Variants in TTC28 observed in about 807,000 individuals in gnomAD.
TTC28 encodes tetratricopeptide repeat protein 28.
A neutral mutation model predicts 198.0 loss-of-function variants in TTC28; 61 were observed. The observed-to-expected ratio is 0.31, with a 90% CI of 0.25 to 0.38. The LOEUF (loss-of-function observed/expected upper bound fraction) is 0.38. TTC28 is among the 10% of genes least tolerant of loss of function. The pLI is 1.00. For synonymous variants in TTC28, 1,171 were observed against 1,297.8 expected (o/e 0.90, Z 2.10); for missense variants, 2,678 against 3,164.0 (o/e 0.85, Z 3.69).
intron 2 of TTC28, among the ~76,000 whole-genome samples, chr22:28,620,362 A>G (rs1478886339): frequency 6.7e-6 from 1 of 149,840 alleles, no homozygotes; most frequent in African/African-American, 2.4e-5. Flanking sequence ...AAAAAAAAAA[A>G]GAAAGAAAGA....
At chr22:28,425,318 GT>G (rs1381235155) in intron 2 of TTC28, among the ~76,000 whole-genome samples, 1 of 152,158 alleles carries the variant, frequency 6.6e-6, no homozygotes, top group Admixed American at 6.5e-5. Flanking sequence ...AGAATCTTCA[GT>G]TCTGCATGTG....
chr22:27,985,825 G>C (rs1270996903), intron 21 of TTC28: 2 of 157,092 alleles, frequency 1.3e-5, no homozygotes. Flanking sequence ...TGCATGTTCA[G>C]TGTCTGCCCC....
intron 2 of TTC28, among the ~76,000 whole-genome samples, chr22:28,391,360 C>T (rs552958078): frequency 5.9e-5 from 9 of 152,248 alleles, no homozygotes; most frequent in African/African-American, 2.2e-4. Context: ...GTGGCGTTCT[C>T]TGTATTTCCT....
At chr22:28,559,386 C>T (rs1288940275) in intron 2 of TTC28, among the ~76,000 whole-genome samples, 2 of 152,252 alleles carry the variant, frequency 1.3e-5, no homozygotes, top group African/African-American at 2.4e-5. Context: ...TTTACTCATT[C>T]GAGTACTATA....
chr22:28,512,849 A>G (rs968985854), intron 2 of TTC28, among the ~76,000 whole-genome samples: 72 of 152,304 alleles, frequency 4.7e-4, no homozygotes, highest in Non-Finnish European at 5.9e-5. Context: ...TGATCTGTGC[A>G]GCAAAGAACC....
intron 10 of TTC28, 82 bp from the exon 11 acceptor site, chr22:28,096,490 C>G: frequency 6.9e-7 from 1 of 1,451,408 alleles, no homozygotes; most frequent in Non-Finnish European, 9.3e-7. Context: ...CCATCAAATC[C>G]TGGGCAGAAA....
chr22:28,312,398 C>G (rs1443177491), intron 2 of TTC28, among the ~76,000 whole-genome samples: 1 of 152,152 alleles, frequency 6.6e-6, no homozygotes, highest in Admixed American at 6.5e-5. Flanking sequence ...CCCAAATCAA[C>G]AGAATATACA....
chr22:28,343,208 G>T (rs577181206), intron 2 of TTC28, among the ~76,000 whole-genome samples: 70 of 152,102 alleles, frequency 4.6e-4, no homozygotes, highest in African/African-American at 1.7e-3. Flanking sequence ...GAAAAAAATA[G>T]ACGAGAAAAT....
At chr22:28,596,122 G>C (rs1379806307) in intron 2 of TTC28, among the ~76,000 whole-genome samples, 2 of 152,152 alleles carry the variant, frequency 1.3e-5, no homozygotes, top group East Asian at 1.9e-4. Flanking sequence ...TGGCTAGGTG[G>C]TTATATTAGA....
intron 2 of TTC28, among the ~76,000 whole-genome samples, chr22:28,493,250 G>A (rs2048403334): frequency 6.6e-6 from 1 of 152,008 alleles, no homozygotes; most frequent in African/African-American, 2.4e-5. Context: ...CAGCTACTCG[G>A]TAGGCTGAGG....
intron 2 of TTC28, among the ~76,000 whole-genome samples, chr22:28,395,757 CTAAT>C (rs1415109969): frequency 6.6e-6 from 1 of 152,000 alleles, no homozygotes; most frequent in Non-Finnish European, 1.5e-5. Context: ...GCTGCTCAAC[CTAAT>C]TATTTACATT....
At chr22:28,464,065 A>G (rs2047986078) in intron 2 of TTC28, among the ~76,000 whole-genome samples, 1 of 152,184 alleles carries the variant, frequency 6.6e-6, no homozygotes, top group African/African-American at 2.4e-5. Context: ...AAAAACTGCA[A>G]CGACCAACAG....
chr22:28,502,166 T>C lies in TTC28; in HGVS notation c.381+127386A>G, dbSNP rs573450473. 3.3e-5 allele frequency among the ~76,000 whole-genome samples: 5 copies of C among 152,308 alleles called. No homozygotes were observed. The South Asian group carries it at 6.2e-4, about 19-fold the overall frequency. On this transcript the variant is annotated intron_variant, in intron 2 of 22. Transcript: ENST00000397906. ...AATCTACCTGATACCTGTTAAGAGA[T>C]AACAGTTGTTTCTACAATGAAGTAC...
intron 2 of TTC28, among the ~76,000 whole-genome samples, chr22:28,569,484 T>C (rs2050028692): frequency 6.6e-6 from 1 of 152,132 alleles, no homozygotes; most frequent in African/African-American, 2.4e-5. Flanking sequence ...TAAATGGTGC[T>C]ACAGTAACTG....
rs2048646701 is a variant in TTC28 at position 28,508,780 on chromosome 22, T to C, written c.381+120772A>G. ...TAGACTTTAGACTCCCACATAAAAA[T>C]AGTGGGAGACTTTAACACCCCACTG... is the stretch of plus-strand genomic sequence containing the variant. On this transcript the variant is annotated intron_variant, in intron 2 of 22. Transcript: ENST00000397906. 2.6e-5 allele frequency among the ~76,000 whole-genome samples: 4 copies of C among 152,054 alleles called. No homozygotes were observed. The South Asian group carries it at 8.3e-4, about 32-fold the overall frequency.
intron 10 of TTC28, among the ~76,000 whole-genome samples, chr22:28,096,879 A>T (rs1230257084): frequency 6.7e-6 from 1 of 149,946 alleles, no homozygotes; most frequent in Non-Finnish European, 1.5e-5. Context: ...ATCTCAGTTC[A>T]CTGCAATCTC....
At chr22:28,225,816 C>A (rs892625668) in intron 5 of TTC28, among the ~76,000 whole-genome samples, 5 of 152,196 alleles carry the variant, frequency 3.3e-5, no homozygotes, top group Admixed American at 6.5e-5. Context: ...ACCAGGCAAC[C>A]ACTGATTTGC....
At chr22:28,659,567 T>C (rs1276792468) in intron 1 of TTC28, among the ~76,000 whole-genome samples, 1 of 152,030 alleles carries the variant, frequency 6.6e-6, no homozygotes, top group African/African-American at 2.4e-5. Flanking sequence ...TATTTATTAA[T>C]AACTACATTT....
chr22:28,314,942 T>C (rs1195246815), intron 2 of TTC28, among the ~76,000 whole-genome samples: 1 of 152,172 alleles, frequency 6.6e-6, no homozygotes, highest in Admixed American at 6.5e-5. Flanking sequence ...CTGCAGTCTT[T>C]TGTATAGGTC....
Sources: gnomAD v4.1 joint callset for allele counts (sites outside exome capture counted in the v4.1 genomes callset) on GRCh38, gnomAD v4.1.1 for gene constraint, MANE v1.5 for transcripts, NCBI Gene and HGNC (gene_info 2026-07-23, HGNC 2026-07-21) for gene names.